EDIL3: variants seen among roughly 807,000 people sequenced by gnomAD.
EDIL3 encodes the protein EGF-like repeat and discoidin I-like domain-containing protein 3.
A neutral mutation model predicts 67.4 loss-of-function variants in EDIL3; 37 were observed. The observed-to-expected ratio is 0.55, with a 90% CI of 0.42 to 0.72. The LOEUF is 0.72. Ranked by LOEUF, EDIL3 falls within the 30% of genes least tolerant of loss-of-function variation. EDIL3 has a pLI of 0.00. For synonymous variants in EDIL3, 195 were observed against 196.3 expected, an observed-to-expected ratio of 0.99 and a Z score of 0.05; for missense variants, 527 against 586.3, an observed-to-expected ratio of 0.90 and a Z score of 1.04.
In EDIL3 at chr5:84,170,203, G is replaced by A. The variant is rs16900948; in HGVS notation, c.355+10190C>T. On this transcript the variant is annotated intron_variant, in intron 4 of 10. Transcript: ENST00000296591. ...GTAGAGAGGAGAATAAGAGAGGTGT[G>A]GCCATAGCATCTGTCTCCAAATAGC... Among the ~76,000 whole-genome samples the A allele has an allele frequency of 1.4e-4, 21 of 152,256 alleles. No individual in the cohort carries two copies. In the East Asian group the frequency reaches 4.1e-3, roughly 29 times the overall value.
chr5:84,134,161 C>A lies in EDIL3; in HGVS notation c.469+3080G>T, dbSNP rs1748047581. ...GCTTAATAGCTAAATTAATTAAAGA[C>A]ACACATTACAGTAAATAATTCACAG... On this transcript the variant is annotated intron_variant, in intron 5 of 10. Coordinates refer to ENST00000296591, the MANE Select transcript of EDIL3 (RefSeq NM_005711.5). Among the ~76,000 whole-genome samples the A allele has an allele frequency of 1.3e-5, 2 of 152,056 alleles. 1 individual carries two copies. Among genetic ancestry groups the A allele is most frequent in the South Asian group, 4.1e-4 (2 of 4,830 alleles).
chr5:84,324,313 A>G (rs1282867999), intron 1 of EDIL3, among the ~76,000 whole-genome samples: 1 of 151,920 alleles, frequency 6.6e-6, no homozygotes, highest in Non-Finnish European at 1.5e-5. Context: ...CATACTTTTA[A>G]ACAACCAATG....
At chr5:84,310,404 T>C (rs1427126210) in intron 1 of EDIL3, among the ~76,000 whole-genome samples, 1 of 152,196 alleles carries the variant, frequency 6.6e-6, no homozygotes, top group African/African-American at 2.4e-5. Context: ...GTTAAAACCA[T>C]GTATTCTAAG....
intron 1 of EDIL3, among the ~76,000 whole-genome samples, chr5:84,362,515 C>A (rs557703342): frequency 6.6e-6 from 1 of 152,078 alleles, no homozygotes; most frequent in African/African-American, 2.4e-5. Context: ...TTTTATAATG[C>A]AATTACATAT....
chr5:84,121,537 C>T (rs1241165636), intron 5 of EDIL3, among the ~76,000 whole-genome samples: 2 of 66,734 alleles, frequency 3.0e-5, no homozygotes, highest in African/African-American at 3.9e-5. Flanking sequence ...TAACTTAGAT[C>T]GATCTATCTA....
intron 1 of EDIL3, among the ~76,000 whole-genome samples, chr5:84,297,746 T>A (rs1746080133): frequency 6.6e-6 from 1 of 152,094 alleles, no homozygotes; most frequent in Admixed American, 6.6e-5. Context: ...AAGGACATGA[T>A]TTACAGCTGT....
Position 84,002,753 on chromosome 5 carries a change from A to G in EDIL3, c.1138-39393T>C, listed in dbSNP as rs377469714. On this transcript the variant is annotated intron_variant, in intron 9 of 10. Coordinates refer to ENST00000296591, the MANE Select transcript of EDIL3 (RefSeq NM_005711.5). ...AACCAACAGGCTCTCTGACATTGCA[A>G]CTGCAGAGGTACTTGCCATTGCTGC... is the stretch of plus-strand genomic sequence containing the variant. 3.3e-4 allele frequency among the ~76,000 whole-genome samples: 51 copies of G among 152,338 alleles called. 1 individual carries two copies. The East Asian group carries it at 4.6e-3, about 14-fold the overall frequency.
chr5:84,018,150 G>T (rs1745643121), intron 9 of EDIL3, among the ~76,000 whole-genome samples: 1 of 152,098 alleles, frequency 6.6e-6, no homozygotes, highest in Non-Finnish European at 1.5e-5. Flanking sequence ...CTTGTGGCAT[G>T]GTTGTCTAAA....
intron 3 of EDIL3, among the ~76,000 whole-genome samples, chr5:84,200,841 T>C (rs1488535070): frequency 6.6e-6 from 1 of 152,042 alleles, no homozygotes; most frequent in Non-Finnish European, 1.5e-5. Flanking sequence ...GAAATGTCTT[T>C]CTGGAGAAAG....
intron 3 of EDIL3, among the ~76,000 whole-genome samples, chr5:84,195,467 AT>A (rs1561216754): frequency 6.6e-6 from 1 of 151,912 alleles, no homozygotes; most frequent in Non-Finnish European, 1.5e-5. Flanking sequence ...TTTTAATGTG[AT>A]TTTTTTGTGT....
chr5:84,037,003 G>A (rs1746033405), intron 9 of EDIL3, among the ~76,000 whole-genome samples: 1 of 152,154 alleles, frequency 6.6e-6, no homozygotes, highest in Non-Finnish European at 1.5e-5. Context: ...GGTAACTTCA[G>A]GGCTGCGCTG....
chr5:84,267,517 T>C (rs1490139613), intron 1 of EDIL3, among the ~76,000 whole-genome samples: 1 of 152,196 alleles, frequency 6.6e-6, no homozygotes, highest in African/African-American at 2.4e-5. Context: ...ATTGGTTCCA[T>C]ACTGAGTTTT....
chr5:84,277,054 T>C (rs1745596833), intron 1 of EDIL3, among the ~76,000 whole-genome samples: 1 of 152,208 alleles, frequency 6.6e-6, no homozygotes, highest in Non-Finnish European at 1.5e-5. Flanking sequence ...CAGTAGTCTA[T>C]AAAATGCTAC....
At chr5:84,372,374 G>T (rs1253430652) in intron 1 of EDIL3, among the ~76,000 whole-genome samples, 1 of 152,160 alleles carries the variant, frequency 6.6e-6, no homozygotes, top group Non-Finnish European at 1.5e-5. Flanking sequence ...ATATTAAAAG[G>T]AGAGATGAAA....
At chr5:84,117,958 T>C (rs1294784675) in intron 5 of EDIL3, among the ~76,000 whole-genome samples, 1 of 152,162 alleles carries the variant, frequency 6.6e-6, no homozygotes, top group Non-Finnish European at 1.5e-5. Flanking sequence ...CTGAATTTTC[T>C]TAGAAATCAT....
rs1018300015 is a variant in EDIL3, at chr5:84,093,750, C to A, written c.651+12899G>T. ...TCTCAGCTCACTGCAACTTCTGTAC[C>A]CCAGATTCAAGTGATTCTCCTGCCT... On this transcript the variant is annotated intron_variant, in intron 6 of 10. Coordinates refer to ENST00000296591, the MANE Select transcript of EDIL3 (RefSeq NM_005711.5). 2.7e-5 allele frequency among the ~76,000 whole-genome samples: 4 copies of A among 150,782 alleles called. No homozygotes were observed. In the South Asian group the frequency reaches 8.5e-4, roughly 32 times the overall value.
intron 5 of EDIL3, among the ~76,000 whole-genome samples, chr5:84,126,855 C>T (rs1747877980): frequency 6.6e-6 from 1 of 152,088 alleles, no homozygotes; most frequent in Non-Finnish European, 1.5e-5. Context: ...TAGGAAAGTG[C>T]TAATGTTCTG....
intron 1 of EDIL3, among the ~76,000 whole-genome samples, chr5:84,285,254 T>C (rs1580054964): frequency 6.6e-6 from 1 of 152,238 alleles, no homozygotes; most frequent in Admixed American, 6.5e-5. Flanking sequence ...CTATCATTAA[T>C]TAAGTAAAGT....
chr5:84,208,474 T>C (rs1277364447), intron 3 of EDIL3, among the ~76,000 whole-genome samples: 1 of 149,832 alleles, frequency 6.7e-6, no homozygotes, highest in Admixed American at 6.6e-5. Flanking sequence ...GGTCAGGAGA[T>C]CGAGACCATC....
Sources: allele counts gnomAD v4.1 joint callset (sites outside exome capture counted in the v4.1 genomes callset), GRCh38; gene constraint gnomAD v4.1.1; transcripts MANE v1.5; gene names NCBI Gene and HGNC (gene_info 2026-07-23, HGNC 2026-07-21).